The following TMC2 variants were observed in gnomAD, a reference collection of about 807,000 sequenced individuals.
TMC2 encodes transmembrane channel like 2, also known as transmembrane channel-like protein 2.
TMC2 carries 102 observed loss-of-function variants against 105.9 expected under a neutral mutation model. The observed-to-expected ratio is 0.96, with a 90% CI of 0.82 to 1.14. TMC2 has a LOEUF of 1.14. Ranked by LOEUF, TMC2 falls within the 50% of genes most tolerant of loss-of-function variation. The probability of loss-of-function intolerance (pLI) is 0.00; values close to 1 mark genes in which losing one functional copy is unlikely to be tolerated. For synonymous variants in TMC2, 402 were observed against 422.8 expected, an observed-to-expected ratio of 0.95 and a Z score of 0.60; for missense variants, 1,093 against 1,134.3, an observed-to-expected ratio of 0.96 and a Z score of 0.52.
rs191235800 is a variant in TMC2, at chr20:2,617,991, G to A, written c.2180+680G>A. ...CTCCCAAAGTGTTATGATTACAGGCGTGAGCCACCGTGCCTGGCCTAAACA... is the reference window on the plus strand; with the variant it reads ...CTCCCAAAGTGTTATGATTACAGGCATGAGCCACCGTGCCTGGCCTAAACA... On this transcript the variant is annotated intron_variant, in intron 16 of 19. Transcript: ENST00000358864. The A allele has an allele frequency of 5.3e-3, 805 of 152,568 alleles. 2 individuals are homozygous for A. The highest frequency in any genetic ancestry group is 8.5e-3 in the Non-Finnish European group (579 of 68,254). The allele number at this position is 152,568 out of a possible 1,614,324, so 9.5% of individuals were successfully genotyped here.
Position 2,558,322 on chromosome 20 carries a change from G to A in TMC2, c.83-134G>A, listed in dbSNP as rs145858603. 1.4e-6 allele frequency: 2 copies of A among 1,460,110 alleles called. No homozygotes were observed. The highest frequency in any genetic ancestry group is 1.8e-6 in the Non-Finnish European group (2 of 1,105,458). 90.4% of individuals were successfully genotyped at this position (1,460,110 alleles called of 1,614,324 possible). On this transcript the variant is annotated intron_variant, in intron 2 of 19. Coordinates refer to ENST00000358864, the MANE Select transcript of TMC2 (RefSeq NM_080751.3). This position sits in a 1 kb window ranked among gnomAD's most constrained non-coding sequence, Gnocchi z 4.6. ...ACATGCCAAGGTGCCATACTTTGGG[G>A]TGTCCTGTTCTGAGCCCCGCAGAGC...
chr20:2,545,054 T>G (rs1390268550), intron 2 of TMC2, among the ~76,000 whole-genome samples: 2 of 56,776 alleles, frequency 3.5e-5, no homozygotes, highest in Admixed American at 2.2e-4. Context: ...AAAAAAAAAT[T>G]TAATTAGACA....
chr20:2,638,674 C>T (rs896031408), intron 19 of TMC2, among the ~76,000 whole-genome samples: 37 of 151,842 alleles, frequency 2.4e-4, no homozygotes, highest in African/African-American at 8.7e-4. Flanking sequence ...CCTTTGTAGA[C>T]CTAGGCTAAT....
At chr20:2,545,833 GAAAGAAA>G (rs1826594246) in intron 2 of TMC2, among the ~76,000 whole-genome samples, 1 of 118,010 alleles carries the variant, frequency 8.5e-6, no homozygotes, top group African/African-American at 3.4e-5. Flanking sequence ...AAGAAAGAAA[GAAAGAAA>G]GAAAGAAAGA....
rs925090902 is a variant in TMC2, at chr20:2,643,542, A to G, written c.*2191A>G. Among the ~76,000 whole-genome samples, 3 of 152,242 alleles carry G rather than the reference A, an allele frequency of 2.0e-5. No individual in the cohort carries two copies. The highest frequency in any genetic ancestry group is 7.2e-5 in the African/African-American group (3 of 41,456). Reference sequence around the variant, plus strand: ...CTGCATAACAAATTATTCCCAAAACATAACAGCCTAAAACAATAAACAATT... The same window carrying G: ...CTGCATAACAAATTATTCCCAAAACGTAACAGCCTAAAACAATAAACAATT... On this transcript the variant is annotated 3_prime_UTR_variant, in exon 20 of 20. Coordinates refer to ENST00000358864, the MANE Select transcript of TMC2 (RefSeq NM_080751.3).
chr20:2,562,814 C>T (rs1458832540), intron 4 of TMC2, among the ~76,000 whole-genome samples: 1 of 151,892 alleles, frequency 6.6e-6, no homozygotes, highest in Non-Finnish European at 1.5e-5. Context: ...GGGGTGGTTG[C>T]GGGCACCTGT....
At chr20:2,603,337 C>T (rs2086365587) in intron 11 of TMC2, among the ~76,000 whole-genome samples, 1 of 151,828 alleles carries the variant, frequency 6.6e-6, no homozygotes, top group Non-Finnish European at 1.5e-5. Flanking sequence ...GCCTATCTTC[C>T]CCCAACAAAG....
chr20:2,550,105 C>T lies in TMC2; in HGVS notation c.83-8351C>T, dbSNP rs1294842652. On this transcript the variant is annotated intron_variant, in intron 2 of 19. Transcript: ENST00000358864. ...GGCTGAGGCAAGAGAATCACTTGAACCCTGGAAGCGGAGGATGCAGTGAGC... is the reference window on the plus strand; with the variant it reads ...GGCTGAGGCAAGAGAATCACTTGAATCCTGGAAGCGGAGGATGCAGTGAGC... Among the ~76,000 whole-genome samples, 3 of 151,840 alleles carry T rather than the reference C, an allele frequency of 2.0e-5. No individual in the cohort carries two copies. In the East Asian group the frequency reaches 5.8e-4, roughly 29 times the overall value.
At chr20:2,582,441 GA>G (rs1371463045) in intron 7 of TMC2, among the ~76,000 whole-genome samples, 4 of 152,142 alleles carry the variant, frequency 2.6e-5, no homozygotes, top group Non-Finnish European at 4.4e-5. Context: ...AAGAATAGTA[GA>G]AGTGCTCAAA....
chr20:2,590,418 T>G (rs2086261054), intron 7 of TMC2, among the ~76,000 whole-genome samples: 1 of 151,992 alleles, frequency 6.6e-6, no homozygotes, highest in South Asian at 2.1e-4. Flanking sequence ...TGATCAACTA[T>G]ACATATATGT....
At chr20:2,541,409 G>C (rs1600092594) in intron 2 of TMC2, among the ~76,000 whole-genome samples, 1 of 152,302 alleles carries the variant, frequency 6.6e-6, no homozygotes, top group South Asian at 2.1e-4. Flanking sequence ...GGGAGGCCGA[G>C]GCAGGCGGAT....
At chr20:2,580,926 A>C (rs1025720757) in intron 7 of TMC2, among the ~76,000 whole-genome samples, 1 of 152,232 alleles carries the variant, frequency 6.6e-6, no homozygotes, top group African/African-American at 2.4e-5. Context: ...TGGCTCACTA[A>C]GCACTGAGCA....
chr20:2,621,861 G>A (rs2086527574), intron 16 of TMC2, among the ~76,000 whole-genome samples: 1 of 152,112 alleles, frequency 6.6e-6, no homozygotes, highest in African/African-American at 2.4e-5. Flanking sequence ...AGAACTGTAA[G>A]ATATTAAATT....
chr20:2,574,234 G>A (rs758171871), intron 5 of TMC2, among the ~76,000 whole-genome samples: 8 of 151,860 alleles, frequency 5.3e-5, no homozygotes, highest in African/African-American at 1.2e-4. Context: ...CCTCAGTCAC[G>A]GTACATTACT....
intron 10 of TMC2, among the ~76,000 whole-genome samples, 160 bp from the exon 11 acceptor site, chr20:2,601,953 T>A (rs146873550): frequency 4.6e-5 from 7 of 152,240 alleles, no homozygotes; most frequent in Non-Finnish European, 8.8e-5. Flanking sequence ...CATATTTTTC[T>A]AAAGAAAATA....
chr20:2,592,368 A>G lies in TMC2; in HGVS notation c.893A>G (p.Glu298Gly), dbSNP rs552668921. ...AGAAAGACAGTGCCTCGGGCTGAGG[A>G]AGAAAAGGCCATGGATTTTTCTGTC... is the stretch of plus-strand genomic sequence containing the variant. ...IPRKTVPRAE[E>G]EKAMDFSVLW... Residue 298 changes from glutamate (E) to glycine (G), a missense_variant, in exon 8 of 20, where the codon GAA (glutamate) becomes GGA (glycine). Transcript: ENST00000358864. The surrounding 1 kb of genome is among the most constrained non-coding windows in gnomAD (Gnocchi z 4.9). 9.3e-6 allele frequency: 15 copies of G among 1,614,082 alleles called. No homozygotes were observed. In the Admixed American group the frequency reaches 2.0e-4, roughly 22 times the overall value.
At chr20:2,594,374 C>A (rs1299765477) in intron 8 of TMC2, among the ~76,000 whole-genome samples, 1 of 151,942 alleles carries the variant, frequency 6.6e-6, no homozygotes, top group South Asian at 2.1e-4. Flanking sequence ...ATTACAGGCA[C>A]CTGCTATTAC....
rs1445504793 is a variant in TMC2 at position 2,578,778 on chromosome 20, A to T, written c.646-368A>T. 2.0e-5 allele frequency among the ~76,000 whole-genome samples: 3 copies of T among 152,196 alleles called. No individual in the cohort carries two copies. In the East Asian group the frequency reaches 5.8e-4, roughly 29 times the overall value. ...TAGCCAGAGTTCCTTCTACCTTTGAATTTTTGTTTTAAGTTGAAGAAAGTC... is the reference window on the plus strand; with the variant it reads ...TAGCCAGAGTTCCTTCTACCTTTGATTTTTTGTTTTAAGTTGAAGAAAGTC... On this transcript the variant is annotated intron_variant, in intron 5 of 19. Transcript: ENST00000358864.
intron 5 of TMC2, among the ~76,000 whole-genome samples, chr20:2,576,987 C>T (rs1372788780): frequency 6.7e-6 from 1 of 149,442 alleles, no homozygotes; most frequent in Non-Finnish European, 1.5e-5. Context: ...TGGCTCACTG[C>T]AACCTCCGCC....
Sources: gnomAD v4.1 joint callset for allele counts (sites outside exome capture counted in the v4.1 genomes callset) on GRCh38, gnomAD v4.1.1 for gene constraint, Gnocchi (gnomAD v3.1) non-coding constraint, MANE v1.5 for transcripts, NCBI Gene and HGNC (gene_info 2026-07-23, HGNC 2026-07-21) for gene names.